Variants in UBE2E2 observed in about 807,000 individuals in gnomAD.
UBE2E2 encodes ubiquitin conjugating enzyme E2 E2, also known as ubiquitin-conjugating enzyme E2 E2.
In UBE2E2, 6 loss-of-function variants were observed where a neutral mutation model predicts 24.7. The observed-to-expected ratio is 0.24, with a 90% CI of 0.13 to 0.48. The LOEUF is 0.48. Ranked by LOEUF, UBE2E2 falls within the 20% of genes least tolerant of loss-of-function variation. The pLI is 0.99. For synonymous variants in UBE2E2, 104 were observed against 83.6 expected (o/e 1.24, Z -1.33); for missense variants, 169 against 245.0 (o/e 0.69, Z 2.07).
intron 3 of UBE2E2, among the ~76,000 whole-genome samples, chr3:23,353,052 C>T (rs1695809420): frequency 6.6e-6 from 1 of 152,202 alleles, no homozygotes; most frequent in Non-Finnish European, 1.5e-5. Context: ...AAGTGGGCTT[C>T]ATCCCTGGGA....
At chr3:23,448,429 C>T (rs1698480599) in intron 3 of UBE2E2, among the ~76,000 whole-genome samples, 1 of 151,932 alleles carries the variant, frequency 6.6e-6, no homozygotes, top group Non-Finnish European at 1.5e-5. Flanking sequence ...CCTAACTTAC[C>T]CATGTTATGG....
At chr3:23,544,113 A>G (rs1695459552) in intron 5 of UBE2E2, among the ~76,000 whole-genome samples, 1 of 152,244 alleles carries the variant, frequency 6.6e-6, no homozygotes, top group African/African-American at 2.4e-5. Context: ...AAATTCTGGA[A>G]GAAAACCTAG....
At chr3:23,440,040 G>A (rs1698267117) in intron 3 of UBE2E2, among the ~76,000 whole-genome samples, 1 of 151,778 alleles carries the variant, frequency 6.6e-6, no homozygotes, top group African/African-American at 2.4e-5. Context: ...GGGAGGCCGA[G>A]GTGGGTGGAT....
chr3:23,479,245 C>A (rs768221965), intron 3 of UBE2E2, among the ~76,000 whole-genome samples: 1 of 152,200 alleles, frequency 6.6e-6, no homozygotes, highest in Non-Finnish European at 1.5e-5. Flanking sequence ...AGCAAACAAT[C>A]ATGGAATCTA....
At chr3:23,293,120 A>G (rs1227874683) in intron 3 of UBE2E2, among the ~76,000 whole-genome samples, 1 of 152,182 alleles carries the variant, frequency 6.6e-6, no homozygotes, top group Non-Finnish European at 1.5e-5. Flanking sequence ...GGTGGTTGTG[A>G]TTATTAAATA....
At chr3:23,345,903 G>A (rs1440040380) in intron 3 of UBE2E2, among the ~76,000 whole-genome samples, 1 of 152,288 alleles carries the variant, frequency 6.6e-6, no homozygotes, top group South Asian at 2.1e-4. Flanking sequence ...GTAGGAAAGT[G>A]ATAAACTGAC....
chr3:23,354,982 A>G (rs1695897513), intron 3 of UBE2E2, among the ~76,000 whole-genome samples: 1 of 152,028 alleles, frequency 6.6e-6, no homozygotes, highest in Non-Finnish European at 1.5e-5. Flanking sequence ...ACCAACCCAA[A>G]TGTCCAACAA....
At chr3:23,372,482 G>A (rs1575591672) in intron 3 of UBE2E2, among the ~76,000 whole-genome samples, 1 of 152,164 alleles carries the variant, frequency 6.6e-6, no homozygotes, top group Non-Finnish European at 1.5e-5. Flanking sequence ...CAGGGGGTTA[G>A]CAGCACTCAA....
intron 4 of UBE2E2, among the ~76,000 whole-genome samples, chr3:23,521,915 G>A (rs1694877565): frequency 6.9e-6 from 1 of 144,428 alleles, no homozygotes; most frequent in African/African-American, 2.6e-5. Context: ...CACTAATTGA[G>A]CACCTACTAT....
At chr3:23,241,625 TCAATAC>T (rs1476804707) in intron 3 of UBE2E2, among the ~76,000 whole-genome samples, 1 of 152,066 alleles carries the variant, frequency 6.6e-6, no homozygotes, top group Non-Finnish European at 1.5e-5. Flanking sequence ...TCACCCTACC[TCAATAC>T]ACCCAATTAT....
intron 3 of UBE2E2, among the ~76,000 whole-genome samples, chr3:23,349,363 G>C (rs934255403): frequency 6.6e-5 from 10 of 152,188 alleles, no homozygotes; most frequent in African/African-American, 2.4e-4. Context: ...TCTCACTAGG[G>C]AGTGCCAGAC....
intron 3 of UBE2E2, among the ~76,000 whole-genome samples, chr3:23,230,332 G>A (rs1214326388): frequency 6.6e-6 from 1 of 152,194 alleles, no homozygotes; most frequent in Non-Finnish European, 1.5e-5. Context: ...CAAGGATGTG[G>A]AGTTTAAAAG....
At chr3:23,443,787 G>A (rs1443830195) in intron 3 of UBE2E2, among the ~76,000 whole-genome samples, 2 of 152,182 alleles carry the variant, frequency 1.3e-5, no homozygotes, top group Non-Finnish European at 2.9e-5. Context: ...TAACCACTGA[G>A]ATCCATTCAG....
intron 1 of UBE2E2, among the ~76,000 whole-genome samples, chr3:23,204,276 A>G (rs565927369): frequency 7.9e-5 from 12 of 152,102 alleles, no homozygotes; most frequent in African/African-American, 2.7e-4. Flanking sequence ...GAAATGTCCA[A>G]TCCATCTTCC....
intron 3 of UBE2E2, among the ~76,000 whole-genome samples, chr3:23,228,819 G>T (rs903264349): frequency 2.6e-5 from 4 of 152,160 alleles, no homozygotes; most frequent in African/African-American, 9.7e-5. Context: ...ATCAGGCAAA[G>T]CCATAAGCTA....
chr3:23,410,879 G>A (rs1208752083), intron 3 of UBE2E2, among the ~76,000 whole-genome samples: 1 of 152,150 alleles, frequency 6.6e-6, no homozygotes, highest in Non-Finnish European at 1.5e-5. Flanking sequence ...GGGAGAAGAT[G>A]ACAGAAAAAG....
intron 4 of UBE2E2, among the ~76,000 whole-genome samples, chr3:23,512,792 A>G (rs1694634119): frequency 6.6e-6 from 1 of 152,078 alleles, no homozygotes; most frequent in Non-Finnish European, 1.5e-5. Context: ...TAAAAATACA[A>G]AAATTAGCCA....
chr3:23,494,942 T>C (rs1160429036), intron 3 of UBE2E2, among the ~76,000 whole-genome samples: 1 of 151,966 alleles, frequency 6.6e-6, no homozygotes, highest in African/African-American at 2.4e-5. Context: ...TGGCAAATTT[T>C]TGTATTTTTT....
chr3:23,213,251 A>C (rs1300795408), intron 2 of UBE2E2, among the ~76,000 whole-genome samples: 1 of 152,136 alleles, frequency 6.6e-6, no homozygotes, highest in Non-Finnish European at 1.5e-5. Context: ...TGTTTTAAAC[A>C]TGTTAGTACA....
Sources: allele counts gnomAD v4.1 joint callset (sites outside exome capture counted in the v4.1 genomes callset), GRCh38; gene constraint gnomAD v4.1.1; transcripts MANE v1.5; gene names NCBI Gene and HGNC (gene_info 2026-07-23, HGNC 2026-07-21).